Variants in USP38 observed in about 807,000 individuals in gnomAD.
The protein encoded by USP38 is ubiquitin carboxyl-terminal hydrolase 38.
In USP38, 49 loss-of-function variants were observed where a neutral mutation model predicts 94.3. The observed-to-expected ratio is 0.52, with a 90% CI of 0.41 to 0.66. The LOEUF (loss-of-function observed/expected upper bound fraction) is 0.66, where lower values mean the gene tolerates loss of function less well. Among genes scored for constraint, USP38 ranks in the 30% least tolerant of loss-of-function variants. The pLI, the probability that USP38 is intolerant of heterozygous loss-of-function variation, is 0.00. For synonymous variants in USP38, 468 were observed against 463.6 expected, an observed-to-expected ratio of 1.01 and a Z score of -0.12; for missense variants, 1,128 against 1,229.4, an observed-to-expected ratio of 0.92 and a Z score of 1.23.
chr4:143,208,199 G>A (rs1214936196), intron 6 of USP38, among the ~76,000 whole-genome samples: 2 of 151,952 alleles, frequency 1.3e-5, no homozygotes, highest in Non-Finnish European at 2.9e-5. Flanking sequence ...CAGTAAATGT[G>A]TATGCCATCA....
intron 9 of USP38, among the ~76,000 whole-genome samples, chr4:143,219,188 A>G (rs1428427390): frequency 1.3e-5 from 2 of 152,090 alleles, no homozygotes; most frequent in African/African-American, 2.4e-5. Flanking sequence ...GGATTTATCA[A>G]AGGTCCCTTT....
At chr4:143,211,441 T>A (rs1322734013) in intron 7 of USP38, among the ~76,000 whole-genome samples, 1 of 152,154 alleles carries the variant, frequency 6.6e-6, no homozygotes, top group Non-Finnish European at 1.5e-5. Flanking sequence ...AAAACAGGCT[T>A]ACATTACCTG....
At chr4:143,204,263 A>T (rs932583295) in intron 5 of USP38, among the ~76,000 whole-genome samples, 1 of 152,190 alleles carries the variant, frequency 6.6e-6, no homozygotes, top group Non-Finnish European at 1.5e-5. Context: ...TACAGGCGTG[A>T]GCCACTGCAC....
Position 143,214,645 on chromosome 4 carries a change from T to C in USP38, c.2669T>C (p.Leu890Ser), listed in dbSNP as rs1487731574. 2 of 1,613,594 alleles carry C rather than the reference T, an allele frequency of 1.2e-6. No individual in the cohort carries two copies. Among genetic ancestry groups the C allele is most frequent in the Non-Finnish European group, 1.7e-6 (2 of 1,179,810 alleles). ...ALALASSQSH[L>S]LGRDSPSAVF... The stretch of plus-strand genomic sequence containing the variant: ...GCATTAGCATCCTCCCAGAGTCATT[T>C]ACTAGGGAGAGATAGTCCCAGTGCA... The change falls in exon 9 of 10, where the codon TTA (leucine) becomes TCA (serine). Residue 890 changes from leucine to serine, a missense_variant. Physicochemically the swap from Leu to Ser is moderately radical, Grantham distance 145 (BLOSUM62 -2). Coordinates refer to ENST00000307017, the MANE Select transcript of USP38 (RefSeq NM_032557.6).
chr4:143,188,846 T>C (rs1731308936), intron 2 of USP38, among the ~76,000 whole-genome samples: 1 of 152,114 alleles, frequency 6.6e-6, no homozygotes, highest in African/African-American at 2.4e-5. Context: ...ACATGTCTTC[T>C]AATTTCAAAG....
intron 7 of USP38, among the ~76,000 whole-genome samples, chr4:143,210,454 G>A (rs1218730558): frequency 6.6e-6 from 1 of 152,058 alleles, no homozygotes; most frequent in Non-Finnish European, 1.5e-5. Flanking sequence ...AGGCATGGTG[G>A]CACACGCCTG....
At chr4:143,207,846 C>G (rs1460991175) in intron 6 of USP38, among the ~76,000 whole-genome samples, 1 of 152,050 alleles carries the variant, frequency 6.6e-6, no homozygotes. Context: ...AAGGTTATCT[C>G]TTATTGAACA....
intron 9 of USP38, among the ~76,000 whole-genome samples, chr4:143,219,623 G>A (rs1309745156): frequency 2.0e-5 from 3 of 152,002 alleles, no homozygotes; most frequent in African/African-American, 7.2e-5. Context: ...GCACATGCCA[G>A]AATATTTTGC....
At chr4:143,202,033 C>T (rs1731729045) in intron 4 of USP38, among the ~76,000 whole-genome samples, 1 of 151,674 alleles carries the variant, frequency 6.6e-6, no homozygotes, top group Admixed American at 6.6e-5. Context: ...TTAATAATTA[C>T]TTCTAAAATT....
rs192951192 is a variant in USP38 at position 143,204,318 on chromosome 4, A to G, written c.1209+752A>G. ...TATTTTTGCTGTGGACTGTTCATCA[A>G]TGTTTCGAATCTTTACTTGAATTAT... On this transcript the variant is annotated intron_variant, in intron 5 of 9. Coordinates refer to ENST00000307017, the MANE Select transcript of USP38 (RefSeq NM_032557.6). 1.6e-4 allele frequency: 69 copies of G among 439,368 alleles called. 1 individual carries two copies. The highest frequency in any genetic ancestry group is 6.8e-4 in the Middle Eastern group (2 of 2,938). 27.2% of individuals were successfully genotyped at this position (439,368 alleles called of 1,614,324 possible).
chr4:143,187,626 T>C (rs1731267075), intron 1 of USP38, among the ~76,000 whole-genome samples, 200 bp from the exon 2 acceptor site: 1 of 152,222 alleles, frequency 6.6e-6, no homozygotes, highest in Non-Finnish European at 1.5e-5. Flanking sequence ...TGAGTGATCA[T>C]TGCTGTTCAC....
At chr4:143,219,117 A>G (rs1732257980) in intron 9 of USP38, among the ~76,000 whole-genome samples, 1 of 152,136 alleles carries the variant, frequency 6.6e-6, no homozygotes, top group Non-Finnish European at 1.5e-5. Flanking sequence ...TTTAAGAAAT[A>G]TCCTGCAAAT....
Position 143,185,412 on chromosome 4 carries a change from C to G in USP38, c.-39C>G, listed in dbSNP as rs1468815021. ...CCCACCTCGGGGCTGCCGCCACCCG[C>G]TCCTTATCCCCTGGCCCTGGCCTTG... On this transcript the variant is annotated 5_prime_UTR_variant, in exon 1 of 10. Coordinates refer to ENST00000307017, the MANE Select transcript of USP38 (RefSeq NM_032557.6). 6.5e-7 allele frequency: 1 copy of G among 1,528,164 alleles called. No individual in the cohort carries two copies. The highest frequency in any genetic ancestry group is 1.4e-5 in the African/African-American group (1 of 72,408). The allele number at this position is 1,528,164 out of a possible 1,614,324, so 94.7% of individuals were successfully genotyped here.
chr4:143,185,870 G>T lies in USP38; in HGVS notation c.420G>T (p.Glu140Asp). Residue 140 changes from glutamate (E) to aspartate (D), a missense_variant, in exon 1 of 10, where the codon GAG becomes GAT. By Grantham distance (45) the Glu-to-Asp change is conservative. Coordinates refer to ENST00000307017, the MANE Select transcript of USP38 (RefSeq NM_032557.6). ...EVLRMVCERP[E>D]PQLCARLSDL... Reference sequence around the variant, plus strand: ...TACGGATGGTGTGTGAGAGGCCGGAGCCGCAGCTCTGTGCCCGACTGAGCG... The same window carrying T: ...TACGGATGGTGTGTGAGAGGCCGGATCCGCAGCTCTGTGCCCGACTGAGCG... 3 of 1,614,192 alleles carry T rather than the reference G, an allele frequency of 1.9e-6. No homozygotes were observed. Among genetic ancestry groups the T allele is most frequent in the South Asian group, 1.1e-5 (1 of 91,084 alleles).
chr4:143,209,436 G>C, intron 6 of USP38, 128 bp from the exon 7 acceptor site: 1 of 534,956 alleles, frequency 1.9e-6, no homozygotes, highest in African/African-American at 2.0e-5. Flanking sequence ...GTTTCGGTGA[G>C]CTGAGATTGT....
intron 3 of USP38, among the ~76,000 whole-genome samples, chr4:143,197,405 C>T (rs1408696704): frequency 1.3e-5 from 2 of 152,092 alleles, no homozygotes; most frequent in Non-Finnish European, 2.9e-5. Context: ...ATTGTTTCTA[C>T]CTGCCCTCTA....
In USP38 at chr4:143,220,590, GT is replaced by G. The variant is rs1732299925; in HGVS notation, c.*139del. On this transcript the variant is annotated 3_prime_UTR_variant, in exon 10 of 10. Transcript: ENST00000307017. ...CTTCAAGAGAACACACTCAGTGCTT[GT>G]TTTTATTTTCTTGACACATTTATTA... 1.1e-6 allele frequency: 1 copy of G among 890,696 alleles called. No individual in the cohort carries two copies. 55.2% of individuals were successfully genotyped at this position (890,696 alleles called of 1,614,324 possible). A position where few individuals can be genotyped will look rare whatever the true frequency, so the allele number is the denominator to read the frequency against.
At chr4:143,187,214 T>A (rs936681888) in intron 1 of USP38, among the ~76,000 whole-genome samples, 1 of 152,208 alleles carries the variant, frequency 6.6e-6, no homozygotes, top group Non-Finnish European at 1.5e-5. Context: ...GTATACAGTT[T>A]AAGCAAAATC....
rs1732294485 is a variant in USP38 at position 143,220,450 on chromosome 4, A to G, written c.3123A>G (p.Val1041=). Residue 1041 remains valine (V), a synonymous_variant, in exon 10 of 10, where the codon GTA becomes GTG. Transcript: ENST00000307017. ...GGGFNTVGRL[V]F ...GATTTAATACAGTTGGCAGACTCGTATTTTGATCCTGAGAGAGTCCAAAAT... is the reference window on the plus strand; with the variant it reads ...GATTTAATACAGTTGGCAGACTCGTGTTTTGATCCTGAGAGAGTCCAAAAT... 1 of 1,611,446 alleles carries G rather than the reference A, an allele frequency of 6.2e-7. No individual in the cohort carries two copies. Among genetic ancestry groups the G allele is most frequent in the South Asian group, 1.1e-5 (1 of 90,828 alleles).
Sources: gnomAD v4.1 joint callset for allele counts (sites outside exome capture counted in the v4.1 genomes callset) on GRCh38, gnomAD v4.1.1 for gene constraint, MANE v1.5 for transcripts, NCBI Gene and HGNC (gene_info 2026-07-23, HGNC 2026-07-21) for gene names.